Variants in VPS13B observed in about 807,000 individuals in gnomAD.
VPS13B encodes intermembrane lipid transfer protein VPS13B.
In VPS13B, 285 loss-of-function variants were observed where a neutral mutation model predicts 426.4. The ratio of observed to expected loss-of-function variants is 0.67; its 90% CI spans 0.61 to 0.74. VPS13B has a LOEUF of 0.74. VPS13B is among the 30% of genes least tolerant of loss of function. VPS13B has a pLI of 0.00. For synonymous variants in VPS13B, 1,676 were observed against 1,676.4 expected (o/e 1.00, Z 0.01); for missense variants, 4,537 against 4,782.6 (o/e 0.95, Z 1.51).
chr8:99,343,367 C>A (rs892220335), intron 19 of VPS13B, among the ~76,000 whole-genome samples: 1 of 152,190 alleles, frequency 6.6e-6, no homozygotes, highest in Non-Finnish European at 1.5e-5. Context: ...GCTAGGATTA[C>A]AGGTGAGCCA....
At chr8:99,579,917 T>C (rs913540183) in intron 33 of VPS13B, among the ~76,000 whole-genome samples, 7 of 151,376 alleles carry the variant, frequency 4.6e-5, no homozygotes, top group African/African-American at 1.7e-4. Flanking sequence ...AGGCTTGTCT[T>C]GAACTCCCGA....
intron 17 of VPS13B, among the ~76,000 whole-genome samples, chr8:99,243,922 A>C (rs1203529004): frequency 2.6e-5 from 4 of 152,232 alleles, no homozygotes; most frequent in Non-Finnish European, 5.9e-5. Context: ...CAGAATCTTT[A>C]GCTTATAGAC....
chr8:99,509,343 T>G (rs868427007), intron 28 of VPS13B, among the ~76,000 whole-genome samples: 4 of 152,226 alleles, frequency 2.6e-5, no homozygotes, highest in Middle Eastern at 3.4e-3. Flanking sequence ...AAAAATGCTT[T>G]GAGAGCAGGC....
At chr8:99,597,661 C>G (rs1034920176) in intron 33 of VPS13B, among the ~76,000 whole-genome samples, 4 of 151,956 alleles carry the variant, frequency 2.6e-5, no homozygotes, top group Admixed American at 6.6e-5. Context: ...GGAGAAAACA[C>G]AGTAAGGATA....
intron 35 of VPS13B, among the ~76,000 whole-genome samples, chr8:99,666,573 A>G (rs1421844872): frequency 6.6e-6 from 1 of 152,204 alleles, no homozygotes; most frequent in Non-Finnish European, 1.5e-5. Context: ...GATTATCTCA[A>G]TAGATGCAGA....
At chr8:99,857,822 T>G (rs1479238570) in intron 56 of VPS13B, among the ~76,000 whole-genome samples, 1 of 152,206 alleles carries the variant, frequency 6.6e-6, no homozygotes, top group Non-Finnish European at 1.5e-5. Context: ...CCGTGAGAAT[T>G]AAATGTGTTG....
chr8:99,366,061 G>C (rs1046894979), intron 19 of VPS13B, among the ~76,000 whole-genome samples: 1 of 151,690 alleles, frequency 6.6e-6, no homozygotes, highest in Non-Finnish European at 1.5e-5. Flanking sequence ...AGAAGAATTT[G>C]TATTCTGTCG....
At chr8:99,500,236 A>G (rs965050396) in intron 25 of VPS13B, among the ~76,000 whole-genome samples, 1 of 152,150 alleles carries the variant, frequency 6.6e-6, no homozygotes, top group Non-Finnish European at 1.5e-5. Flanking sequence ...ACTCGTTAGC[A>G]CAGGAAATTA....
intron 10 of VPS13B, 27 bp downstream of exon 10, chr8:99,135,164 T>G: frequency 6.2e-7 from 1 of 1,612,406 alleles, no homozygotes; most frequent in African/African-American, 1.3e-5. Flanking sequence ...CATCCTTTTT[T>G]GGATAGGATA....
intron 39 of VPS13B, among the ~76,000 whole-genome samples, chr8:99,746,159 T>C (rs1403357581): frequency 1.3e-5 from 2 of 152,132 alleles, no homozygotes; most frequent in Non-Finnish European, 2.9e-5. Flanking sequence ...CATGTTTATC[T>C]ATTCCCCCAT....
chr8:99,013,407 G>GT (rs1841426617), intron 1 of VPS13B, 60 bp downstream of exon 1: 1 of 346,526 alleles, frequency 2.9e-6, no homozygotes, highest in African/African-American at 2.1e-5. Flanking sequence ...TCTAGCTTTG[G>GT]TTCTATGGTG....
intron 8 of VPS13B, among the ~76,000 whole-genome samples, chr8:99,134,260 C>T (rs1159726525): frequency 1.3e-5 from 2 of 152,066 alleles, no homozygotes; most frequent in Admixed American, 1.3e-4. Context: ...ATGACTGAAA[C>T]TACACGTTGT....
rs201590399 is a variant in VPS13B at position 99,614,278 on chromosome 8, T to C, written c.5221-27533T>C. ...ACACACACACACACACACACATATA[T>C]ATATATATGTATTTTTGAGATGGAG... On this transcript the variant is annotated intron_variant, in intron 33 of 61. Coordinates refer to ENST00000357162, the MANE Select transcript of VPS13B (RefSeq NM_152564.5). Among the ~76,000 whole-genome samples, 28 of 144,838 alleles carry C rather than the reference T, an allele frequency of 1.9e-4. No individual in the cohort carries two copies. The East Asian group carries it at 2.3e-3, about 12-fold the overall frequency.
chr8:99,655,979 C>T (rs1040011425), intron 34 of VPS13B, among the ~76,000 whole-genome samples: 1 of 152,166 alleles, frequency 6.6e-6, no homozygotes, highest in Non-Finnish European at 1.5e-5. Flanking sequence ...TGAAGAAGAG[C>T]AAACCTACAA....
At chr8:99,357,338 C>G (rs1171913671) in intron 19 of VPS13B, among the ~76,000 whole-genome samples, 1 of 151,984 alleles carries the variant, frequency 6.6e-6, no homozygotes, top group South Asian at 2.1e-4. Context: ...ATATTTTACC[C>G]TTTTTAATAT....
Position 99,586,140 on chromosome 8 carries a change from A to G in VPS13B, c.5220+8507A>G, listed in dbSNP as rs141089855. Among the ~76,000 whole-genome samples, 17 of 152,306 alleles carry G rather than the reference A, an allele frequency of 1.1e-4. No individual in the cohort carries two copies. In the East Asian group the frequency reaches 3.1e-3, roughly 28 times the overall value. On this transcript the variant is annotated intron_variant, in intron 33 of 61. Coordinates refer to ENST00000357162, the MANE Select transcript of VPS13B (RefSeq NM_152564.5). ...GGAGAGGGTATAAGCTTGATGCCAT[A>G]TTAAGCTGTTTTCCATTGGATGAGG... is the stretch of plus-strand genomic sequence containing the variant.
intron 33 of VPS13B, among the ~76,000 whole-genome samples, chr8:99,622,731 A>G (rs905162374): frequency 5.3e-5 from 8 of 152,174 alleles, no homozygotes; most frequent in Non-Finnish European, 1.0e-4. Context: ...AGTCTTTCTC[A>G]TATTAGTCAT....
At chr8:99,594,527 A>G (rs946325534) in intron 33 of VPS13B, among the ~76,000 whole-genome samples, 1 of 151,946 alleles carries the variant, frequency 6.6e-6, no homozygotes, top group African/African-American at 2.4e-5. Context: ...ATCTTGCCCA[A>G]GATCCTTCTC....
At chr8:99,638,161 T>G (rs1272164551) in intron 33 of VPS13B, among the ~76,000 whole-genome samples, 1 of 152,128 alleles carries the variant, frequency 6.6e-6, no homozygotes, top group East Asian at 1.9e-4. Context: ...GTTCATACAT[T>G]TATTCAGTCA....
Sources: allele counts gnomAD v4.1 joint callset (sites outside exome capture counted in the v4.1 genomes callset), GRCh38; gene constraint gnomAD v4.1.1; transcripts MANE v1.5; gene names NCBI Gene and HGNC (gene_info 2026-07-23, HGNC 2026-07-21).